Variants in CYFIP2 observed in about 807,000 individuals in gnomAD.
CYFIP2 encodes the protein cytoplasmic FMR1-interacting protein 2.
CYFIP2 carries 29 observed loss-of-function variants against 158.7 expected under a neutral mutation model. The observed-to-expected ratio is 0.18, with a 90% CI of 0.14 to 0.25. CYFIP2 has a LOEUF of 0.25. CYFIP2 is among the 10% of genes least tolerant of loss of function. The pLI, the probability that CYFIP2 is intolerant of heterozygous loss-of-function variation, is 1.00. For synonymous variants in CYFIP2, 585 were observed against 617.6 expected, an observed-to-expected ratio of 0.95 and a Z score of 0.78; for missense variants, 852 against 1,639.5, an observed-to-expected ratio of 0.52 and a Z score of 8.29.
intron 26 of CYFIP2, among the ~76,000 whole-genome samples, chr5:157,366,882 C>A (rs552770065): frequency 2.0e-5 from 3 of 152,224 alleles, no homozygotes; most frequent in African/African-American, 7.2e-5. Context: ...TCTAGACTTT[C>A]GGCCATTGTT....
chr5:157,316,774 A>G (rs1760180535), intron 13 of CYFIP2, among the ~76,000 whole-genome samples: 1 of 152,206 alleles, frequency 6.6e-6, no homozygotes, highest in Non-Finnish European at 1.5e-5. Context: ...TCAAACAATA[A>G]TTGTCAAGTA....
intron 2 of CYFIP2, 54 bp from the exon 3 acceptor site, chr5:157,286,965 C>A: frequency 6.7e-7 from 1 of 1,482,318 alleles, no homozygotes; most frequent in Non-Finnish European, 9.3e-7. Flanking sequence ...GACACCCAGC[C>A]AACTTGGAAC....
intron 30 of CYFIP2, among the ~76,000 whole-genome samples, chr5:157,392,249 A>C (rs1025101013): frequency 6.6e-6 from 1 of 152,156 alleles, no homozygotes; most frequent in African/African-American, 2.4e-5. Context: ...ATTTTGATGT[A>C]GTGCAACTTT....
Position 157,325,464 on chromosome 5 carries a change from G to T in CYFIP2, c.1826-18G>T, listed in dbSNP as rs773552040. On this transcript the variant is annotated intron_variant, in intron 16 of 30. Transcript: ENST00000620254. ...TAGTTCTAAAAGTAACCAAAGGCTC[G>T]TTCCCTTATGCTTTCAGAAGCCCTG... 1.1e-5 allele frequency: 18 copies of T among 1,580,798 alleles called. No homozygotes were observed. In the Admixed American group the frequency reaches 2.3e-4, roughly 20 times the overall value.
chr5:157,382,496 C>G, intron 26 of CYFIP2, 94 bp from the exon 27 acceptor site: 4 of 1,322,752 alleles, frequency 3.0e-6, no homozygotes, highest in East Asian at 2.4e-5. Context: ...GAACCCAGGT[C>G]TAGCTAACTC....
rs546957487 is a variant in CYFIP2 at position 157,284,972 on chromosome 5, A to G, written c.-23-367A>G. On this transcript the variant is annotated intron_variant, in intron 1 of 30. Transcript: ENST00000620254. ...ACAAAAGGTGGAGAAACTAACCATG[A>G]CCTATGTTCTCACATCCCACTTGAG... Among the ~76,000 whole-genome samples the G allele has an allele frequency of 3.6e-4, 55 of 152,298 alleles. No individual in the cohort carries two copies. The South Asian group carries it at 0.011, about 30-fold the overall frequency.
intron 12 of CYFIP2, 94 bp downstream of exon 12, chr5:157,314,557 C>T (rs142343127): frequency 1.8e-5 from 26 of 1,481,078 alleles, no homozygotes; most frequent in African/African-American, 9.9e-5. Flanking sequence ...AACAGATTTA[C>T]GGAGTTACAA....
Position 157,393,125 on chromosome 5 carries a change from C to CA in CYFIP2, c.*128dup. 9.4e-7 allele frequency: 1 copy of CA among 1,067,058 alleles called. No homozygotes were observed. The highest frequency in any genetic ancestry group is 1.3e-6 in the Non-Finnish European group (1 of 751,958). The allele number at this position is 1,067,058 out of a possible 1,614,324, so 66.1% of individuals were successfully genotyped here. A position where few individuals can be genotyped will look rare whatever the true frequency, so the allele number is the denominator to read the frequency against. ...ATGGACCTGGAAACAAGCACCTCCCCAAACACATCACCACTCCCTAGGGCG... is the reference window on the plus strand; with the variant it reads ...ATGGACCTGGAAACAAGCACCTCCCCAAAACACATCACCACTCCCTAGGGCG... On this transcript the variant is annotated 3_prime_UTR_variant, in exon 31 of 31. Transcript: ENST00000620254.
At chr5:157,271,194 G>T (rs1364586505) in intron 1 of CYFIP2, among the ~76,000 whole-genome samples, 1 of 152,144 alleles carries the variant, frequency 6.6e-6, no homozygotes, top group Non-Finnish European at 1.5e-5. Context: ...TTGAGCAAAG[G>T]CACAAAGGAA....
At chr5:157,273,184 G>C (rs766780622) in intron 1 of CYFIP2, among the ~76,000 whole-genome samples, 6 of 152,000 alleles carry the variant, frequency 3.9e-5, no homozygotes, top group Non-Finnish European at 7.4e-5. Context: ...TTCTTTTAAA[G>C]CTCTGTGTCA....
In CYFIP2 at chr5:157,361,454, G is replaced by A. The variant is rs747868202; in HGVS notation, c.2909-14G>A. 1.3e-5 allele frequency: 21 copies of A among 1,613,514 alleles called. No homozygotes were observed. The highest frequency in any genetic ancestry group is 1.7e-4 in the Middle Eastern group (1 of 5,972). On this transcript the variant is annotated splice_polypyrimidine_tract_variant and intron_variant, in intron 25 of 30. Transcript: ENST00000620254. This position sits in a 1 kb window ranked among gnomAD's most constrained non-coding sequence, Gnocchi z 4.4. ...GTGTCAACTTCCCACTGACCACCCC[G>A]ATTCACCTCCCAGGGATCCTGGAGT...
intron 19 of CYFIP2, among the ~76,000 whole-genome samples, 188 bp from the exon 20 acceptor site, chr5:157,330,554 C>T (rs1245380942): frequency 6.6e-6 from 1 of 152,122 alleles, no homozygotes; most frequent in Non-Finnish European, 1.5e-5. Flanking sequence ...AACTCTGTTT[C>T]ACATATTGAG....
In CYFIP2 at chr5:157,318,434, A is replaced by G. The variant is rs540906972; in HGVS notation, c.1357-1328A>G. 2.3e-4 allele frequency among the ~76,000 whole-genome samples: 35 copies of G among 152,166 alleles called. 1 individual carries two copies. The highest frequency in any genetic ancestry group is 4.9e-4 in the Non-Finnish European group (33 of 68,038). ...GTTATATCTGTAGCCAGGGGCCCAGATTCTGTTATGATCTAACAGTCCTCT... is the reference window on the plus strand; with the variant it reads ...GTTATATCTGTAGCCAGGGGCCCAGGTTCTGTTATGATCTAACAGTCCTCT... On this transcript the variant is annotated intron_variant, in intron 13 of 30. Transcript: ENST00000620254.
chr5:157,280,868 A>C (rs1208123028), intron 1 of CYFIP2, among the ~76,000 whole-genome samples: 1 of 152,156 alleles, frequency 6.6e-6, no homozygotes. Flanking sequence ...TATCAAACCT[A>C]AATACAATAT....
chr5:157,272,915 G>A (rs1211425309), intron 1 of CYFIP2, among the ~76,000 whole-genome samples: 1 of 152,126 alleles, frequency 6.6e-6, no homozygotes, highest in Non-Finnish European at 1.5e-5. Context: ...TCCCCAAGCT[G>A]GAGTGCAGTG....
chr5:157,278,211 T>C (rs914571789), intron 1 of CYFIP2, among the ~76,000 whole-genome samples: 2 of 152,042 alleles, frequency 1.3e-5, no homozygotes, highest in African/African-American at 4.8e-5. Context: ...TATATATATG[T>C]ATATGTGTGT....
chr5:157,361,936 TTC>T lies in CYFIP2; in HGVS notation c.3039+344_3039+345del, dbSNP rs1763864990. Among the ~76,000 whole-genome samples, 1 of 152,148 alleles carries T rather than the reference TTC, an allele frequency of 6.6e-6. No homozygotes were observed. Among genetic ancestry groups the T allele is most frequent in the African/African-American group, 2.4e-5 (1 of 41,414 alleles). On this transcript the variant is annotated intron_variant, in intron 26 of 30. Transcript: ENST00000620254. The surrounding 1 kb of genome is among the most constrained non-coding windows in gnomAD (Gnocchi z 4.4). ...GTACCAAGCAAGGAGAACTGAGCAG[TTC>T]TCTCTTAACACCCCACCTCTCCAAT...
intron 13 of CYFIP2, among the ~76,000 whole-genome samples, chr5:157,316,423 C>A (rs1339549027): frequency 6.6e-6 from 1 of 152,026 alleles, no homozygotes; most frequent in Non-Finnish European, 1.5e-5. Flanking sequence ...TATATTTGTG[C>A]AAAACTGAAG....
At chr5:157,389,629 C>T in intron 29 of CYFIP2, 1 of 560,048 alleles carries the variant, frequency 1.8e-6, no homozygotes, top group Non-Finnish European at 3.2e-6. Flanking sequence ...CACTGCCTGC[C>T]TCACCCCCAC....
Sources: allele counts gnomAD v4.1 joint callset (sites outside exome capture counted in the v4.1 genomes callset), GRCh38; gene constraint gnomAD v4.1.1; non-coding constraint Gnocchi (gnomAD v3.1); transcripts MANE v1.5; gene names NCBI Gene and HGNC (gene_info 2026-07-23, HGNC 2026-07-21).